The following RPA3 variants were observed in gnomAD, a reference collection of about 807,000 sequenced individuals.
The protein encoded by RPA3 is replication protein A 14 kDa subunit.
A neutral mutation model predicts 13.7 loss-of-function variants in RPA3; 24 were observed. The ratio of observed to expected loss-of-function variants is 1.75; its 90% CI spans 1.27 to 2.46. RPA3 has a LOEUF of 2.46. RPA3 is among the 30% of genes most tolerant of loss of function. The pLI, the probability that RPA3 is intolerant of heterozygous loss-of-function variation, is 0.00. For synonymous variants in RPA3, 59 were observed against 51.2 expected, an observed-to-expected ratio of 1.15 and a Z score of -0.65; for missense variants, 183 against 151.0, an observed-to-expected ratio of 1.21 and a Z score of -1.11.
intron 1 of RPA3, among the ~76,000 whole-genome samples, chr7:7,716,589 A>G (rs1181110693): frequency 1.3e-5 from 2 of 152,198 alleles, no homozygotes; most frequent in African/African-American, 2.4e-5. Flanking sequence ...CGTGCACAGT[A>G]AAGAGGCAGG....
intron 2 of RPA3, among the ~76,000 whole-genome samples, chr7:7,696,473 G>T (rs971336208): frequency 6.6e-6 from 1 of 152,146 alleles, no homozygotes; most frequent in African/African-American, 2.4e-5. Context: ...CACAAGACCT[G>T]ATTTGGGAAG....
chr7:7,643,410 G>C (rs1251708803), intron 4 of RPA3, among the ~76,000 whole-genome samples: 3 of 152,196 alleles, frequency 2.0e-5, no homozygotes, highest in African/African-American at 7.2e-5. Flanking sequence ...AGACAAGCTT[G>C]TAAAAGTCCT....
intron 1 of RPA3, 87 bp downstream of exon 1, chr7:7,718,428 C>T (rs1274775958): frequency 6.6e-6 from 1 of 152,172 alleles, no homozygotes; most frequent in Non-Finnish European, 1.5e-5. Flanking sequence ...ATAATCTAAA[C>T]TTGACTATGT....
chr7:7,682,331 C>T (rs1779932330), intron 4 of RPA3, among the ~76,000 whole-genome samples: 1 of 146,828 alleles, frequency 6.8e-6, no homozygotes, highest in South Asian at 2.1e-4. Context: ...TCTCAATGAT[C>T]AGTCAGATAT....
chr7:7,669,948 T>C (rs2057930), intron 4 of RPA3, among the ~76,000 whole-genome samples: 85,693 of 151,932 alleles, frequency 0.56, 24,591 homozygotes, highest in East Asian at 0.8. Flanking sequence ...ATTTGGGATA[T>C]TATAATGTTC....
At chr7:7,703,974 G>A (rs1191309017) in intron 2 of RPA3, among the ~76,000 whole-genome samples, 2 of 151,636 alleles carry the variant, frequency 1.3e-5, no homozygotes, top group African/African-American at 4.9e-5. Context: ...AAGGGAAGGA[G>A]GGAAGGGAAG....
intron 4 of RPA3, among the ~76,000 whole-genome samples, chr7:7,652,347 G>A (rs1785243040): frequency 6.6e-6 from 1 of 152,140 alleles, no homozygotes; most frequent in African/African-American, 2.4e-5. Context: ...TTGAGATATG[G>A]TCTCTGATTT....
At chr7:7,686,025 T>A (rs1168081115) in intron 3 of RPA3, 27 bp from the exon 4 acceptor site, 1 of 152,252 alleles carries the variant, frequency 6.6e-6, no homozygotes, top group African/African-American at 2.4e-5. Context: ...TTGGGAGCTA[T>A]AGCCAGAGAA....
In RPA3 at chr7:7,640,670, A is replaced by T. The variant is rs796730135; in HGVS notation, c.-252T>A. The T allele has an allele frequency of 2.6e-5, 13 of 495,608 alleles. No individual in the cohort carries two copies. The highest frequency in any genetic ancestry group is 2.6e-4 in the African/African-American group (13 of 50,918). The allele number at this position is 495,608 out of a possible 1,614,324, so 30.7% of individuals were successfully genotyped here. A position where few individuals can be genotyped will look rare whatever the true frequency, so the allele number is the denominator to read the frequency against. On this transcript the variant is annotated 5_prime_UTR_variant, in exon 5 of 8. Coordinates refer to ENST00000223129, the MANE Select transcript of RPA3 (RefSeq NM_002947.5). ...CGGCGTCCCGGAAGTTGACAGATAC[A>T]GGGCGAGAGGCAGTGGAGGCGGGAC...
intron 4 of RPA3, among the ~76,000 whole-genome samples, chr7:7,677,818 C>T (rs952313359): frequency 6.7e-5 from 10 of 149,864 alleles, no homozygotes; most frequent in East Asian, 1.9e-4. Flanking sequence ...GGACTACAGG[C>T]GCCCGCCACT....
In RPA3 at chr7:7,712,975, T is replaced by G. The variant is rs150563436; in HGVS notation, c.-1028+2200A>C. ...GTAGCTTTTATGTACCGAATGAATT[T>G]GTTGATAATTGCAGACTAGCCTATT... On this transcript the variant is annotated intron_variant, in intron 2 of 7. Coordinates refer to ENST00000223129, the MANE Select transcript of RPA3 (RefSeq NM_002947.5). 6.2e-3 allele frequency among the ~76,000 whole-genome samples: 941 copies of G among 152,270 alleles called. 7 individuals carry two copies. Among genetic ancestry groups the G allele is most frequent in the Non-Finnish European group, 0.01 (689 of 68,020 alleles).
intron 4 of RPA3, among the ~76,000 whole-genome samples, chr7:7,655,574 C>G (rs1207049066): frequency 6.6e-6 from 1 of 152,048 alleles, no homozygotes; most frequent in Non-Finnish European, 1.5e-5. Context: ...GCTGTTTTGG[C>G]TAAAAGTAAT....
At chr7:7,700,765 G>A (rs1018092110) in intron 2 of RPA3, among the ~76,000 whole-genome samples, 12 of 152,260 alleles carry the variant, frequency 7.9e-5, no homozygotes, top group African/African-American at 2.9e-4. Flanking sequence ...GTGGGTGCCT[G>A]TAATCAAAGC....
intron 2 of RPA3, among the ~76,000 whole-genome samples, chr7:7,710,976 C>T (rs948447729): frequency 3.3e-5 from 5 of 152,174 alleles, no homozygotes; most frequent in African/African-American, 9.7e-5. Context: ...ATGTAGCATT[C>T]TTGAAATGAC....
Position 7,692,766 on chromosome 7 carries a change from T to C in RPA3, c.-1027-5438A>G, listed in dbSNP as rs28912720. Among the ~76,000 whole-genome samples the C allele has an allele frequency of 7.3e-3, 1,113 of 152,158 alleles. 18 individuals carry two copies. Among genetic ancestry groups the C allele is most frequent in the African/African-American group, 0.026 (1,059 of 41,516 alleles). ...TTGGGACTACAGGCCTGCGCCACCATGCCCAGCTAATTTTCGTATTTTTAG... is the reference window on the plus strand; with the variant it reads ...TTGGGACTACAGGCCTGCGCCACCACGCCCAGCTAATTTTCGTATTTTTAG... On this transcript the variant is annotated intron_variant, in intron 2 of 7. Transcript: ENST00000223129.
At chr7:7,666,508 G>A (rs1779461045) in intron 4 of RPA3, among the ~76,000 whole-genome samples, 5 of 151,918 alleles carry the variant, frequency 3.3e-5, no homozygotes, top group Admixed American at 3.3e-4. Flanking sequence ...GTACCTGACC[G>A]GGGCAAATCT....
chr7:7,680,378 A>G (rs1779879895), intron 4 of RPA3, among the ~76,000 whole-genome samples: 1 of 151,952 alleles, frequency 6.6e-6, no homozygotes, highest in Non-Finnish European at 1.5e-5. Context: ...TGGGTTCTGT[A>G]TTTGGTTCCA....
chr7:7,709,123 C>T (rs1264143411), intron 2 of RPA3, among the ~76,000 whole-genome samples: 1 of 152,092 alleles, frequency 6.6e-6, no homozygotes, highest in African/African-American at 2.4e-5. Flanking sequence ...CAAAATTCGG[C>T]ATGGTTAAGG....
intron 4 of RPA3, among the ~76,000 whole-genome samples, chr7:7,653,930 C>G (rs148037249): frequency 6.6e-6 from 1 of 152,186 alleles, no homozygotes; most frequent in East Asian, 1.9e-4. Context: ...ATTACCTGAT[C>G]CCAAATGCTT....
Sources: allele counts gnomAD v4.1 joint callset (sites outside exome capture counted in the v4.1 genomes callset), GRCh38; gene constraint gnomAD v4.1.1; transcripts MANE v1.5; gene names NCBI Gene and HGNC (gene_info 2026-07-23, HGNC 2026-07-21).